Variants in MACROD2 observed in about 807,000 individuals in gnomAD.
MACROD2 encodes the protein mono-ADP ribosylhydrolase 2, also known as ADP-ribose glycohydrolase MACROD2.
MACROD2 carries 36 observed loss-of-function variants against 70.4 expected under a neutral mutation model. That is an observed-to-expected ratio of 0.51 (90% confidence interval 0.39 to 0.68). The LOEUF (loss-of-function observed/expected upper bound fraction) is 0.68, where lower values mean the gene tolerates loss of function less well. Among genes scored for constraint, MACROD2 ranks in the 30% least tolerant of loss-of-function variants. MACROD2 has a pLI of 0.00. For missense variants in MACROD2, 496 were observed against 538.4 expected (o/e 0.92, Z 0.78); for synonymous variants, 172 against 178.8 (o/e 0.96, Z 0.30).
chr20:15,737,611 T>C (rs2051042271), intron 8 of MACROD2, among the ~76,000 whole-genome samples: 1 of 152,192 alleles, frequency 6.6e-6, no homozygotes, highest in East Asian at 1.9e-4. Flanking sequence ...CCTGTCTACA[T>C]GGATGTGAAG....
intron 3 of MACROD2, chr20:14,086,131 TA>T: frequency 2.9e-6 from 1 of 342,248 alleles, no homozygotes; most frequent in Non-Finnish European, 5.8e-6. Flanking sequence ...TTGAACTATG[TA>T]AGACAAAAGT....
chr20:14,016,045 A>C (rs913429465), intron 2 of MACROD2, among the ~76,000 whole-genome samples: 1 of 152,216 alleles, frequency 6.6e-6, no homozygotes, highest in Non-Finnish European at 1.5e-5. Flanking sequence ...AGGAGACACA[A>C]AACTTTTCTG....
At chr20:15,782,717 C>CAAAA (rs11472322) in intron 8 of MACROD2, among the ~76,000 whole-genome samples, 21,934 of 82,952 alleles carry the variant, frequency 0.26, 2,998 homozygotes, top group African/African-American at 0.31. Flanking sequence ...AGAGAAATGG[C>CAAAA]AAAAAAAAAA....
intron 5 of MACROD2, among the ~76,000 whole-genome samples, chr20:14,856,053 C>G (rs931525862): frequency 7.2e-5 from 11 of 152,066 alleles, no homozygotes; most frequent in South Asian, 2.1e-4. Flanking sequence ...TTAAATTTAT[C>G]AAGATCCATT....
chr20:14,234,754 C>A (rs1170436866), intron 3 of MACROD2, among the ~76,000 whole-genome samples: 6 of 152,036 alleles, frequency 3.9e-5, no homozygotes, highest in Non-Finnish European at 7.4e-5. Flanking sequence ...GACTTTTGAA[C>A]CTTAGAGTTA....
chr20:14,768,790 GCTCTT>G (rs1205156933), intron 5 of MACROD2, among the ~76,000 whole-genome samples: 1 of 151,972 alleles, frequency 6.6e-6, no homozygotes, highest in East Asian at 1.9e-4. Flanking sequence ...CTAATCCTTT[GCTCTT>G]TTAAGAGAGT....
chr20:14,274,446 C>A (rs573301888), intron 3 of MACROD2, among the ~76,000 whole-genome samples: 1 of 152,196 alleles, frequency 6.6e-6, no homozygotes, highest in South Asian at 2.1e-4. Flanking sequence ...AATTCAACAA[C>A]CCTTCATGCT....
intron 5 of MACROD2, among the ~76,000 whole-genome samples, chr20:14,765,236 G>A (rs1050118510): frequency 2.6e-4 from 40 of 152,036 alleles, no homozygotes; most frequent in African/African-American, 8.4e-4. Context: ...TTCCCTCCCC[G>A]CTTTCTCTTT....
At chr20:14,641,802 G>C (rs574599818) in intron 4 of MACROD2, among the ~76,000 whole-genome samples, 28 of 152,258 alleles carry the variant, frequency 1.8e-4, no homozygotes, top group African/African-American at 6.7e-4. Context: ...AGACTTTGTT[G>C]CTCCATTTAT....
chr20:14,301,497 T>C (rs552746516), intron 3 of MACROD2, among the ~76,000 whole-genome samples: 1 of 152,246 alleles, frequency 6.6e-6, no homozygotes, highest in South Asian at 2.1e-4. Flanking sequence ...TCCAAACTCC[T>C]TTCATGTCTA....
intron 5 of MACROD2, among the ~76,000 whole-genome samples, chr20:14,871,240 G>T (rs1158787164): frequency 6.6e-6 from 1 of 151,942 alleles, no homozygotes; most frequent in Non-Finnish European, 1.5e-5. Flanking sequence ...AGAAATGAAA[G>T]AAAAAAATGT....
intron 3 of MACROD2, among the ~76,000 whole-genome samples, chr20:14,336,824 C>G (rs1400586700): frequency 1.3e-5 from 2 of 152,172 alleles, no homozygotes; most frequent in African/African-American, 4.8e-5. Context: ...GATTTGCAAG[C>G]CTGAAATGCT....
intron 10 of MACROD2, among the ~76,000 whole-genome samples, chr20:15,905,662 A>G (rs1217720481): frequency 6.6e-6 from 1 of 152,198 alleles, no homozygotes; most frequent in East Asian, 1.9e-4. Flanking sequence ...AAGGAGAGGT[A>G]TTGCTATTTG....
At chr20:14,268,296 A>G (rs952216706) in intron 3 of MACROD2, among the ~76,000 whole-genome samples, 9 of 152,120 alleles carry the variant, frequency 5.9e-5, no homozygotes, top group East Asian at 3.8e-4. Context: ...TTCATATTCA[A>G]ATTTTATCAG....
intron 3 of MACROD2, among the ~76,000 whole-genome samples, chr20:14,120,462 G>A (rs889680993): frequency 2.0e-5 from 3 of 151,798 alleles, no homozygotes; most frequent in African/African-American, 7.3e-5. Flanking sequence ...AAGACAGTAT[G>A]GTTATTCCAC....
chr20:15,980,247 A>T (rs908103979), intron 13 of MACROD2, among the ~76,000 whole-genome samples: 1 of 152,210 alleles, frequency 6.6e-6, no homozygotes, highest in Admixed American at 6.5e-5. Flanking sequence ...GGCCTGGTGC[A>T]GGGCTGCCTG....
At chr20:15,006,004 G>A (rs944016468) in intron 5 of MACROD2, among the ~76,000 whole-genome samples, 1 of 152,028 alleles carries the variant, frequency 6.6e-6, no homozygotes, top group Admixed American at 6.6e-5. Flanking sequence ...ATCGTCTCTA[G>A]CCTAAATGCT....
At chr20:14,029,952 AAGCC>A (rs1210088201) in intron 2 of MACROD2, among the ~76,000 whole-genome samples, 1 of 152,262 alleles carries the variant, frequency 6.6e-6, no homozygotes, top group Non-Finnish European at 1.5e-5. Flanking sequence ...GAAATACACT[AAGCC>A]AGGTCATTCT....
intron 6 of MACROD2, among the ~76,000 whole-genome samples, chr20:15,386,421 A>G: frequency 6.6e-6 from 1 of 152,256 alleles, no homozygotes. Flanking sequence ...AGTGAGACCC[A>G]GAGAAAGTAA....
Sources: gnomAD v4.1 joint callset for allele counts (sites outside exome capture counted in the v4.1 genomes callset) on GRCh38, gnomAD v4.1.1 for gene constraint, MANE v1.5 for transcripts, NCBI Gene and HGNC (gene_info 2026-07-23, HGNC 2026-07-21) for gene names.